The following PCDHA6 variants were observed in gnomAD, a reference collection of about 807,000 sequenced individuals.
PCDHA6 encodes the protein protocadherin alpha 6, also known as protocadherin alpha-6.
In PCDHA6, 55 loss-of-function variants were observed where a neutral mutation model predicts 60.3. The observed-to-expected ratio is 0.91, with a 90% CI of 0.73 to 1.14. The LOEUF is 1.14. PCDHA6 is among the 50% of genes most tolerant of loss of function. PCDHA6 has a pLI of 0.00. For synonymous variants in PCDHA6, 652 were observed against 557.9 expected (o/e 1.17, Z -2.38); for missense variants, 1,327 against 1,256.5 (o/e 1.06, Z -0.85).
At chr5:140,886,631 G>T (rs1314948402) in intron 1 of PCDHA6, among the ~76,000 whole-genome samples, 1 of 151,860 alleles carries the variant, frequency 6.6e-6, no homozygotes. Context: ...TCCGAGACCA[G>T]CCTGGCCAAC....
At chr5:140,993,877 C>T (rs1457877493) in intron 3 of PCDHA6, among the ~76,000 whole-genome samples, 4 of 152,150 alleles carry the variant, frequency 2.6e-5, no homozygotes, top group South Asian at 2.1e-4. Context: ...TGTGTAAGTA[C>T]GCTCTATGAT....
intron 1 of PCDHA6, among the ~76,000 whole-genome samples, chr5:140,950,689 A>G (rs1585383013): frequency 2.6e-5 from 4 of 152,212 alleles, no homozygotes; most frequent in Admixed American, 2.6e-4. Flanking sequence ...ATTGTTAACC[A>G]AATTTGACAA....
At position 140,870,714 on chromosome 5, in the gene PCDHA6, C is replaced by A. The variant is rs2052324296; in HGVS notation, c.2394+40229C>A. On this transcript the variant is annotated intron_variant, in intron 1 of 3. Transcript: ENST00000529310. ...TGCTACAGTTCCAGGTGAGCGCGCG[C>A]GATGCGGGCGTGCCGCCTCTGAGCA... 6 of 1,612,992 alleles carry A rather than the reference C, an allele frequency of 3.7e-6. No individual in the cohort carries two copies. The African/African-American group carries it at 4.0e-5, about 11-fold the overall frequency.
intron 1 of PCDHA6, chr5:140,858,561 C>A: frequency 7.3e-7 from 1 of 1,370,342 alleles, no homozygotes; most frequent in South Asian, 1.3e-5. Context: ...TTGAATATTT[C>A]TAGTGATACC....
intron 1 of PCDHA6, among the ~76,000 whole-genome samples, chr5:140,942,855 A>G (rs1323763970): frequency 6.6e-6 from 1 of 152,110 alleles, no homozygotes; most frequent in African/African-American, 2.4e-5. Flanking sequence ...TAAGATGATT[A>G]TTTTGCTTTA....
intron 1 of PCDHA6, among the ~76,000 whole-genome samples, chr5:140,888,362 T>G (rs1282144902): frequency 6.6e-6 from 1 of 152,208 alleles, no homozygotes; most frequent in African/African-American, 2.4e-5. Flanking sequence ...TACTGGCATC[T>G]AATAATGGAG....
Position 140,835,426 on chromosome 5 carries a change from C to A in PCDHA6, c.2394+4941C>A, listed in dbSNP as rs1773631354. On this transcript the variant is annotated intron_variant, in intron 1 of 3. Transcript: ENST00000529310. ...GTTGTGGATGTAAATGACAATGCTC[C>A]ACAGTTGACTCTCACTTCCCTGTCT... 7 of 1,613,914 alleles carry A rather than the reference C, an allele frequency of 4.3e-6. No individual in the cohort carries two copies. In the East Asian group the frequency reaches 1.6e-4, roughly 36 times the overall value.
At position 140,849,456 on chromosome 5, in the gene PCDHA6, G is replaced by A. The variant is rs148680565; in HGVS notation, c.2394+18971G>A. On this transcript the variant is annotated intron_variant, in intron 1 of 3. Transcript: ENST00000529310. ...AAGTAGAGCACACAAGATCCCAGTC[G>A]AGGCTGTCGATAAAGGCTTCCCACC... The A allele has an allele frequency of 1.5e-5, 24 of 1,587,206 alleles. 3 individuals carry two copies. Among genetic ancestry groups the A allele is most frequent in the Non-Finnish European group, 1.8e-5 (21 of 1,161,294 alleles).
At chr5:140,984,307 G>T (rs2153833813) in intron 3 of PCDHA6, among the ~76,000 whole-genome samples, 1 of 152,288 alleles carries the variant, frequency 6.6e-6, no homozygotes, top group Non-Finnish European at 1.5e-5. Context: ...GCTGGTTGGT[G>T]TGTATTCCTA....
chr5:140,948,255 C>G (rs1271882562), intron 1 of PCDHA6, among the ~76,000 whole-genome samples: 1 of 151,484 alleles, frequency 6.6e-6, no homozygotes, highest in Non-Finnish European at 1.5e-5. Flanking sequence ...ATTTTTACAT[C>G]TGTGTTCATG....
chr5:140,963,895 T>C (rs1331133094), intron 1 of PCDHA6, among the ~76,000 whole-genome samples: 2 of 152,224 alleles, frequency 1.3e-5, no homozygotes, highest in Non-Finnish European at 2.9e-5. Flanking sequence ...TTAATTAAAA[T>C]GAGTAAAGTG....
chr5:141,002,973 G>A (rs1313247449), intron 3 of PCDHA6, among the ~76,000 whole-genome samples: 2 of 152,216 alleles, frequency 1.3e-5, no homozygotes, highest in African/African-American at 2.4e-5. Flanking sequence ...CCTGAAAATA[G>A]TATCCTTGGT....
At chr5:140,929,362 G>A (rs781830495) in intron 1 of PCDHA6, 13 of 1,520,234 alleles carry the variant, frequency 8.6e-6, no homozygotes, top group Middle Eastern at 1.8e-4. Flanking sequence ...CCTTTGGCCC[G>A]GAGATGGCTG....
chr5:140,848,002 AG>A, intron 1 of PCDHA6: 1 of 156,592 alleles, frequency 6.4e-6, no homozygotes, highest in Admixed American at 6.0e-5. Flanking sequence ...CCAGAACAAA[AG>A]AATTTTGTAA....
chr5:140,963,483 T>C (rs1228943699), intron 1 of PCDHA6, among the ~76,000 whole-genome samples: 1 of 152,246 alleles, frequency 6.6e-6, no homozygotes, highest in Non-Finnish European at 1.5e-5. Flanking sequence ...GGTAAATCTC[T>C]TGTGAGGAAA....
intron 1 of PCDHA6, among the ~76,000 whole-genome samples, chr5:140,941,183 T>C (rs2092749314): frequency 8.3e-6 from 1 of 120,094 alleles, no homozygotes; most frequent in African/African-American, 3.0e-5. Flanking sequence ...AACATCCTGC[T>C]TCTTTTTTTT....
At chr5:141,002,503 A>G (rs924059580) in intron 3 of PCDHA6, among the ~76,000 whole-genome samples, 1 of 152,226 alleles carries the variant, frequency 6.6e-6, no homozygotes, top group African/African-American at 2.4e-5. Flanking sequence ...ACAGCTCAGG[A>G]TCTGAGTCTC....
chr5:140,834,491 C>G (rs2150219703), intron 1 of PCDHA6: 164 of 1,614,076 alleles, frequency 1.0e-4, no homozygotes, highest in Non-Finnish European at 1.3e-4. Flanking sequence ...ACTCGGTCCC[C>G]GAGGAGGCTA....
intron 1 of PCDHA6, chr5:140,968,154 A>G (rs782200456): frequency 3.7e-6 from 6 of 1,614,162 alleles, no homozygotes; most frequent in South Asian, 1.1e-5. Flanking sequence ...TCTGACATCA[A>G]TGACAATCCA....
Sources: allele counts gnomAD v4.1 joint callset (sites outside exome capture counted in the v4.1 genomes callset), GRCh38; gene constraint gnomAD v4.1.1; transcripts MANE v1.5; gene names NCBI Gene and HGNC (gene_info 2026-07-23, HGNC 2026-07-21).